The following SMOC1 variants were observed in gnomAD, a reference collection of about 807,000 sequenced individuals.
SMOC1 encodes the protein SPARC-related modular calcium-binding protein 1.
A neutral mutation model predicts 56.3 loss-of-function variants in SMOC1; 22 were observed. That is an observed-to-expected ratio of 0.39 (90% confidence interval 0.28 to 0.56). The LOEUF (loss-of-function observed/expected upper bound fraction) is 0.56. Ranked by LOEUF, SMOC1 falls within the 20% of genes least tolerant of loss-of-function variation. The probability of loss-of-function intolerance (pLI) is 0.61; values close to 1 mark genes in which losing one functional copy is unlikely to be tolerated. For missense variants in SMOC1, 509 were observed against 565.4 expected (o/e 0.90, Z 1.01); for synonymous variants, 193 against 215.0 (o/e 0.90, Z 0.89).
chr14:69,926,711 G>A (rs1442756677), intron 1 of SMOC1, among the ~76,000 whole-genome samples: 1 of 152,246 alleles, frequency 6.6e-6, no homozygotes, highest in Non-Finnish European at 1.5e-5. Flanking sequence ...GGCCCCATCA[G>A]GGATGAAGCT....
At chr14:70,003,056 T>C (rs567393609) in intron 7 of SMOC1, among the ~76,000 whole-genome samples, 1 of 152,348 alleles carries the variant, frequency 6.6e-6, no homozygotes, top group African/African-American at 2.4e-5. Context: ...CACGCTGACC[T>C]AGAGAATCCT....
intron 7 of SMOC1, among the ~76,000 whole-genome samples, chr14:70,001,807 CTTACTT>C (rs1161485327): frequency 4.6e-5 from 7 of 152,190 alleles, no homozygotes; most frequent in African/African-American, 1.7e-4. Flanking sequence ...CAAGAGTTAC[CTTACTT>C]TTACACGTAA....
intron 1 of SMOC1, among the ~76,000 whole-genome samples, chr14:69,942,854 G>A (rs981712763): frequency 1.3e-5 from 2 of 152,266 alleles, no homozygotes; most frequent in Non-Finnish European, 2.9e-5. Context: ...ACTTGGCCCC[G>A]TTTGCGTTCT....
At chr14:69,992,526 G>T in intron 6 of SMOC1, 53 bp downstream of exon 6, 1 of 1,374,898 alleles carries the variant, frequency 7.3e-7, no homozygotes, top group Non-Finnish European at 1.0e-6. Context: ...TTTCAGGTTT[G>T]GGAAAAGTCT....
chr14:69,879,909 C>G (rs1594782987), intron 1 of SMOC1, 132 bp downstream of exon 1: 2 of 777,728 alleles, frequency 2.6e-6, no homozygotes, highest in Non-Finnish European at 3.8e-6. Context: ...ACCAGGTCCC[C>G]TGCGGGCTTG....
chr14:69,950,705 T>C (rs1193715599), intron 1 of SMOC1, among the ~76,000 whole-genome samples: 2 of 152,214 alleles, frequency 1.3e-5, no homozygotes, highest in Admixed American at 6.5e-5. Context: ...TAATCATGGG[T>C]TATGGAGCAG....
At position 70,030,380 on chromosome 14, in the gene SMOC1, T is replaced by C. The variant is rs757925210; in HGVS notation, c.*122T>C. 8.6e-6 allele frequency: 11 copies of C among 1,274,022 alleles called. No individual in the cohort carries two copies. Among genetic ancestry groups the C allele is most frequent in the Admixed American group, 2.2e-5 (1 of 46,212 alleles). The allele number at this position is 1,274,022 out of a possible 1,614,324, so 78.9% of individuals were successfully genotyped here. A position where few individuals can be genotyped will look rare whatever the true frequency, so the allele number is the denominator to read the frequency against. On this transcript the variant is annotated 3_prime_UTR_variant, in exon 12 of 12. Coordinates refer to ENST00000361956, the MANE Select transcript of SMOC1 (RefSeq NM_001034852.3). ...CGTGTAACATAAGTGGTGCCCACCA[T>C]GTTTGCACTTTTAATAACTCTTACT...
chr14:70,025,739 T>C (rs1190961890), intron 11 of SMOC1, among the ~76,000 whole-genome samples: 1 of 152,248 alleles, frequency 6.6e-6, no homozygotes, highest in Non-Finnish European at 1.5e-5. Flanking sequence ...TTGAGCATCA[T>C]GTCAGCACTT....
At chr14:69,963,191 A>G (rs1406758498) in intron 3 of SMOC1, among the ~76,000 whole-genome samples, 1 of 151,994 alleles carries the variant, frequency 6.6e-6, no homozygotes, top group Non-Finnish European at 1.5e-5. Context: ...GCACCCATGT[A>G]TGGGGTTAAT....
chr14:69,935,655 A>C (rs1885276985), intron 1 of SMOC1, among the ~76,000 whole-genome samples: 1 of 152,150 alleles, frequency 6.6e-6, no homozygotes, highest in African/African-American at 2.4e-5. Context: ...TCCTCCAAGG[A>C]GCTTGCTACA....
At chr14:70,013,543 C>T in intron 10 of SMOC1, 52 bp downstream of exon 10, 1 of 1,476,784 alleles carries the variant, frequency 6.8e-7, no homozygotes, top group East Asian at 2.3e-5. Context: ...GGGCCCCTGA[C>T]TTTTCAAATG....
chr14:69,984,434 T>A (rs1884288491), intron 5 of SMOC1, among the ~76,000 whole-genome samples: 1 of 152,140 alleles, frequency 6.6e-6, no homozygotes, highest in Non-Finnish European at 1.5e-5. Flanking sequence ...TGTTAGAGAA[T>A]TAAGAAAAAA....
chr14:69,892,589 T>C (rs1883991905), intron 1 of SMOC1, among the ~76,000 whole-genome samples: 2 of 152,194 alleles, frequency 1.3e-5, no homozygotes, highest in African/African-American at 4.8e-5. Context: ...TGGATTGCCA[T>C]GGACCCCTTA....
chr14:69,944,199 C>A (rs1002226642), intron 1 of SMOC1, among the ~76,000 whole-genome samples: 2 of 152,174 alleles, frequency 1.3e-5, no homozygotes, highest in Non-Finnish European at 2.9e-5. Context: ...AAATGATGGG[C>A]CATTTTAATC....
chr14:69,901,873 G>A (rs1040738581), intron 1 of SMOC1, among the ~76,000 whole-genome samples: 1 of 152,202 alleles, frequency 6.6e-6, no homozygotes, highest in African/African-American at 2.4e-5. Flanking sequence ...ACCATCTTGA[G>A]ATGCCTATTG....
intron 7 of SMOC1, among the ~76,000 whole-genome samples, chr14:70,008,150 G>A (rs1031119157): frequency 3.4e-5 from 5 of 146,126 alleles, no homozygotes; most frequent in Non-Finnish European, 5.9e-5. Flanking sequence ...ATTTTATTGA[G>A]ACAGGTTCTT....
chr14:70,001,389 G>A (rs1295098603), intron 7 of SMOC1, among the ~76,000 whole-genome samples: 2 of 152,272 alleles, frequency 1.3e-5, no homozygotes, highest in East Asian at 1.9e-4. Context: ...ACTGGGCAGT[G>A]GTGCACCAAA....
At chr14:70,029,177 C>T (rs1216801133) in intron 11 of SMOC1, among the ~76,000 whole-genome samples, 1 of 152,200 alleles carries the variant, frequency 6.6e-6, no homozygotes, top group Non-Finnish European at 1.5e-5. Flanking sequence ...GCTCCTCGCT[C>T]CTCTTCAAGA....
At chr14:69,964,529 C>A (rs950371286) in intron 3 of SMOC1, among the ~76,000 whole-genome samples, 2 of 152,046 alleles carry the variant, frequency 1.3e-5, no homozygotes, top group Non-Finnish European at 2.9e-5. Context: ...AGGTGCCCAC[C>A]ACCACGCCCG....
Sources: allele counts gnomAD v4.1 joint callset (sites outside exome capture counted in the v4.1 genomes callset), GRCh38; gene constraint gnomAD v4.1.1; transcripts MANE v1.5; gene names NCBI Gene and HGNC (gene_info 2026-07-23, HGNC 2026-07-21).